The following SLC2A9 variants were observed in gnomAD, a reference collection of about 807,000 sequenced individuals.
The protein encoded by SLC2A9 is solute carrier family 2, facilitated glucose transporter member 9.
A neutral mutation model predicts 50.6 loss-of-function variants in SLC2A9; 39 were observed. The observed-to-expected ratio is 0.77, with a 90% CI of 0.60 to 1.01. The LOEUF is 1.01. SLC2A9 is among the 50% of genes least tolerant of loss of function. SLC2A9 has a pLI of 0.00. For missense variants in SLC2A9, 686 were observed against 677.6 expected, an observed-to-expected ratio of 1.01 and a Z score of -0.14; for synonymous variants, 324 against 276.9, an observed-to-expected ratio of 1.17 and a Z score of -1.69.
chr4:9,808,998 T>C (rs1277977021), intron 3 of SLC2A9, among the ~76,000 whole-genome samples: 1 of 152,224 alleles, frequency 6.6e-6, no homozygotes, highest in South Asian at 2.1e-4. Flanking sequence ...CATTTGTGTT[T>C]GAGTCAATTG....
intron 3 of SLC2A9, among the ~76,000 whole-genome samples, chr4:9,813,977 T>C (rs992643254): frequency 1.3e-5 from 2 of 151,686 alleles, no homozygotes; most frequent in African/African-American, 4.8e-5. Context: ...AAGTAAAAAA[T>C]AAAAATATAA....
intron 8 of SLC2A9, among the ~76,000 whole-genome samples, chr4:9,898,596 C>G (rs1232471877): frequency 2.0e-5 from 3 of 152,214 alleles, no homozygotes; most frequent in African/African-American, 7.2e-5. Context: ...CCAGGGTGAG[C>G]CTTTTGGTCG....
chr4:9,776,741 T>C (rs920322565), downstream of SLC2A9, among the ~76,000 whole-genome samples: 2 of 152,152 alleles, frequency 1.3e-5, no homozygotes, highest in African/African-American at 4.8e-5. Flanking sequence ...CTCCGAGTTC[T>C]TATAACAGGG....
intron 10 of SLC2A9, among the ~76,000 whole-genome samples, chr4:9,860,960 C>T (rs1383127812): frequency 6.6e-6 from 1 of 152,182 alleles, no homozygotes; most frequent in African/African-American, 2.4e-5. Context: ...GCTCCATGAT[C>T]AACTCTGTGG....
chr4:9,788,249 G>A (rs896581894), intron 3 of SLC2A9, among the ~76,000 whole-genome samples: 6 of 152,030 alleles, frequency 3.9e-5, no homozygotes, highest in African/African-American at 1.4e-4. Context: ...GGGGAGCAGT[G>A]GCATGATCAC....
intron 10 of SLC2A9, among the ~76,000 whole-genome samples, chr4:9,885,355 G>A (rs2109706601): frequency 6.6e-6 from 1 of 152,224 alleles, no homozygotes; most frequent in Non-Finnish European, 1.5e-5. Flanking sequence ...AAGAATCTTG[G>A]TATTAGCTTG....
intron 3 of SLC2A9, among the ~76,000 whole-genome samples, chr4:9,817,901 C>T (rs1723833666): frequency 6.6e-6 from 1 of 152,222 alleles, no homozygotes; most frequent in South Asian, 2.1e-4. Flanking sequence ...CTGGCTTTGT[C>T]TGTCCCTCCT....
intron 5 of SLC2A9, among the ~76,000 whole-genome samples, chr4:9,967,893 T>G (rs7677710): frequency 0.48 from 73,398 of 151,836 alleles, 19,095 homozygotes; most frequent in African/African-American, 0.67. Flanking sequence ...GGTCTGAAAA[T>G]GATAAATTTA....
chr4:9,942,437 C>A (rs1053057258), intron 5 of SLC2A9, among the ~76,000 whole-genome samples: 1 of 152,170 alleles, frequency 6.6e-6, no homozygotes, highest in African/African-American at 2.4e-5. Flanking sequence ...AAGAATGGAG[C>A]CTGCATGTGG....
At chr4:9,902,099 A>T (rs771796210) in intron 8 of SLC2A9, among the ~76,000 whole-genome samples, 1 of 152,140 alleles carries the variant, frequency 6.6e-6, no homozygotes. Context: ...TTTGCCTGAC[A>T]TGCTCTTCCC....
intron 5 of SLC2A9, among the ~76,000 whole-genome samples, chr4:9,948,693 G>T (rs1749652512): frequency 6.6e-6 from 1 of 152,176 alleles, no homozygotes. Flanking sequence ...CCCAGCTCCA[G>T]AGCTCCCTGT....
intron 5 of SLC2A9, among the ~76,000 whole-genome samples, chr4:9,980,012 C>T (rs970876611): frequency 6.6e-6 from 1 of 152,174 alleles, no homozygotes; most frequent in African/African-American, 2.4e-5. Flanking sequence ...GTTTACCCCA[C>T]CCCATTCGAC....
intron 3 of SLC2A9, among the ~76,000 whole-genome samples, chr4:9,816,508 C>T (rs1047241315): frequency 2.6e-5 from 4 of 151,802 alleles, no homozygotes; most frequent in African/African-American, 9.7e-5. Flanking sequence ...CTGAAATTTG[C>T]CAAGAGGGTA....
At chr4:9,796,573 C>T (rs1385431657), downstream of SLC2A9, among the ~76,000 whole-genome samples, 2 of 152,194 alleles carry the variant, frequency 1.3e-5, no homozygotes, top group Admixed American at 1.3e-4. Flanking sequence ...TAACTTTATA[C>T]AATGTATTAG....
intron 5 of SLC2A9, among the ~76,000 whole-genome samples, chr4:9,949,235 C>G (rs1479488606): frequency 6.6e-6 from 1 of 152,140 alleles, no homozygotes; most frequent in African/African-American, 2.4e-5. Context: ...CTTTATTTAT[C>G]TGCCCAGTGC....
At chr4:10,036,876 G>A (rs564145193) in intron 1 of SLC2A9, among the ~76,000 whole-genome samples, 1 of 152,218 alleles carries the variant, frequency 6.6e-6, no homozygotes, top group South Asian at 2.1e-4. Flanking sequence ...TCTAGTCCGG[G>A]ATTTCCACCC....
Position 9,841,970 on chromosome 4 carries a change from T to C in SLC2A9, c.1292-6962A>G, listed in dbSNP as rs544311452. Among the ~76,000 whole-genome samples, 44 of 152,352 alleles carry C rather than the reference T, an allele frequency of 2.9e-4. No homozygotes were observed. In the South Asian group the frequency reaches 6.6e-3, roughly 23 times the overall value. On this transcript the variant is annotated intron_variant, in intron 10 of 11. Transcript: ENST00000264784. ...TTAGGGTTCATAAAATCTCCTTCTC[T>C]GGTCAGTGCTGTTTTCTAAAGAGTG...
intron 3 of SLC2A9, among the ~76,000 whole-genome samples, chr4:9,786,031 TG>T (rs996709551): frequency 1.3e-5 from 2 of 151,758 alleles, no homozygotes; most frequent in Non-Finnish European, 2.9e-5. Context: ...GCGGAGGGAG[TG>T]GCAAGTGCAA....
intron 10 of SLC2A9, among the ~76,000 whole-genome samples, chr4:9,857,458 T>C (rs1225825499): frequency 6.6e-6 from 1 of 152,216 alleles, no homozygotes; most frequent in Non-Finnish European, 1.5e-5. Flanking sequence ...CAGATGTGGA[T>C]GACTGGTTCT....
Sources: gnomAD v4.1 joint callset for allele counts (sites outside exome capture counted in the v4.1 genomes callset) on GRCh38, gnomAD v4.1.1 for gene constraint, MANE v1.5 for transcripts, NCBI Gene and HGNC (gene_info 2026-07-23, HGNC 2026-07-21) for gene names.